ANKHD1: variants seen among roughly 807,000 people sequenced by gnomAD.
ANKHD1 encodes the protein ankyrin repeat and KH domain-containing protein 1.
In ANKHD1, 31 loss-of-function variants were observed where a neutral mutation model predicts 230.5. That is an observed-to-expected ratio of 0.13 (90% CI 0.10 to 0.18). The LOEUF (loss-of-function observed/expected upper bound fraction) is 0.18, where lower values mean the gene tolerates loss of function less well. ANKHD1 is among the 10% of genes least tolerant of loss of function. The probability of loss-of-function intolerance (pLI) is 1.00; values close to 1 mark genes in which losing one functional copy is unlikely to be tolerated. For missense variants in ANKHD1, 2,256 were observed against 3,071.3 expected, an observed-to-expected ratio of 0.73 and a Z score of 6.27; for synonymous variants, 1,074 against 1,117.6, an observed-to-expected ratio of 0.96 and a Z score of 0.78.
In ANKHD1 at chr5:140,510,079, T is replaced by A; in HGVS notation, c.4002T>A (p.Asn1334Lys). Residue 1334 changes from asparagine to lysine, a missense_variant, in exon 22 of 34, where the codon AAT (asparagine) becomes AAA (lysine). By Grantham distance (94) the Asn-to-Lys change is moderately conservative. Transcript: ENST00000360839. Reference protein sequence around the residue: ...KGNTPLWLASNGGHFDVVQLL... With the variant: ...KGNTPLWLASKGGHFDVVQLL... ...ATACGCCACTTTGGCTGGCATCCAA[T>A]GGAGGTCATTTTGATGTTGTGCAGT... is the stretch of plus-strand genomic sequence containing the variant. 1 of 1,614,184 alleles carries A rather than the reference T, an allele frequency of 6.2e-7. No individual in the cohort carries two copies. Among genetic ancestry groups the A allele is most frequent in the Non-Finnish European group, 8.5e-7 (1 of 1,180,010 alleles).
chr5:140,441,040 G>A lies in ANKHD1; in HGVS notation c.811G>A (p.Gly271Arg), dbSNP rs762300623. 107 of 1,611,744 alleles carry A rather than the reference G, an allele frequency of 6.6e-5. No homozygotes were observed. The highest frequency in any genetic ancestry group is 3.3e-4 in the Middle Eastern group (2 of 6,054). Residue 271 changes from glycine (G) to arginine (R), a missense_variant, in exon 5 of 34, where the codon GGA (glycine) becomes AGA (arginine). Around this residue, in one of 13 missense-constraint regions of ANKHD1, gnomAD observed 206 missense variants for 304.5 expected, o/e 0.68. Coordinates refer to ENST00000360839, the MANE Select transcript of ANKHD1 (RefSeq NM_017747.3). The part of the protein sequence containing the change: ...HANVEDRGNK[G>R]DITPLMAASS... The stretch of plus-strand genomic sequence containing the variant: ...TAATGTTGAAGATCGAGGGAATAAA[G>A]GAGACATAACTCCCCTGATGGCAGC...
intron 4 of ANKHD1, among the ~76,000 whole-genome samples, chr5:140,440,483 C>T (rs1458338554): frequency 1.3e-5 from 2 of 152,160 alleles, no homozygotes; most frequent in Admixed American, 6.5e-5. Context: ...CTGCCACTTA[C>T]TCAAAGCTAA....
chr5:140,485,747 A>G lies in ANKHD1; in HGVS notation c.2142+15A>G. ...ATCAGTCTCAGGTAAAGTAAAATGG[A>G]GCTTGTTTGTTAATATAAATATTCT... On this transcript the variant is annotated intron_variant, in intron 13 of 33. Transcript: ENST00000360839. The surrounding 1 kb of genome is among the most constrained non-coding windows in gnomAD (Gnocchi z 4.8). The G allele has an allele frequency of 6.2e-7, 1 of 1,609,468 alleles. No individual in the cohort carries two copies. The highest frequency in any genetic ancestry group is 1.1e-5 in the South Asian group (1 of 89,560).
rs546563218 is a variant in ANKHD1 at position 140,401,899 on chromosome 5, C to G, written c.-69C>G. On this transcript the variant is annotated 5_prime_UTR_variant, in exon 1 of 34. Coordinates refer to ENST00000360839, the MANE Select transcript of ANKHD1 (RefSeq NM_017747.3). ...CGCTTCTTCCTCTTGCTGCTCTTCT[C>G]GTTCCCGAGATCAGCGGCGGCGGTG... is the stretch of plus-strand genomic sequence containing the variant. 1.8e-4 allele frequency: 268 copies of G among 1,500,412 alleles called. No homozygotes were observed. In the Middle Eastern group the frequency reaches 2.6e-3, roughly 14 times the overall value. 92.9% of individuals were successfully genotyped at this position (1,500,412 alleles called of 1,614,324 possible).
At chr5:140,482,204 A>G (rs1751310483) in intron 10 of ANKHD1, among the ~76,000 whole-genome samples, 1 of 152,166 alleles carries the variant, frequency 6.6e-6, no homozygotes, top group African/African-American at 2.4e-5. Context: ...CTTCTGCTAT[A>G]AGATCAAGAT....
At chr5:140,489,417 G>T (rs1416210287) in intron 14 of ANKHD1, among the ~76,000 whole-genome samples, 1 of 151,978 alleles carries the variant, frequency 6.6e-6, no homozygotes, top group Non-Finnish European at 1.5e-5. Flanking sequence ...TTGCACCCAG[G>T]AGCTCCAGGC....
At chr5:140,409,993 G>A (rs1233438471) in intron 1 of ANKHD1, among the ~76,000 whole-genome samples, 2 of 152,106 alleles carry the variant, frequency 1.3e-5, no homozygotes, top group Middle Eastern at 3.2e-3. Context: ...TAGTATGGGT[G>A]GAGGAAAACT....
intron 10 of ANKHD1, among the ~76,000 whole-genome samples, chr5:140,471,848 C>G (rs935530885): frequency 6.6e-6 from 1 of 152,134 alleles, no homozygotes. Flanking sequence ...ATTTATCTTA[C>G]AGTATTTTCC....
chr5:140,499,529 GTAT>G (rs1292834727), intron 15 of ANKHD1, among the ~76,000 whole-genome samples: 3 of 152,032 alleles, frequency 2.0e-5, no homozygotes, highest in Admixed American at 1.3e-4. Context: ...AAATATAGGA[GTAT>G]TATTTCCTTA....
Position 140,537,600 on chromosome 5 carries a change from C to G in ANKHD1, c.7228+11C>G. On this transcript the variant is annotated intron_variant, in intron 31 of 33. Coordinates refer to ENST00000360839, the MANE Select transcript of ANKHD1 (RefSeq NM_017747.3). ...TCAATGCTGTGTCAGGTACAATTGC[C>G]TTGCTCTCTCTCTGGAGGGATATCT... 6.5e-7 allele frequency: 1 copy of G among 1,545,716 alleles called. No individual in the cohort carries two copies. The highest frequency in any genetic ancestry group is 8.7e-7 in the Non-Finnish European group (1 of 1,146,380).
chr5:140,488,249 T>C (rs185894657), intron 14 of ANKHD1, among the ~76,000 whole-genome samples: 123 of 152,270 alleles, frequency 8.1e-4, no homozygotes, highest in Non-Finnish European at 8.8e-5. Context: ...CTAAACCTTA[T>C]AGAGGACTGT....
In ANKHD1 at chr5:140,512,920, T is replaced by A; in HGVS notation, c.4197T>A (p.Asp1399Glu). The part of the protein sequence containing the change: ...ECMRYIATIT[D>E]KELLKKCHQC... ...TGAGATACATAGCAACAATTACAGA[T>A]AAGGTAAGTTTAATATGCTACTGAA... Residue 1399 changes from aspartate (D) to glutamate (E), a missense_variant, in exon 23 of 34, where the codon GAT becomes GAA. By Grantham distance (45) the Asp-to-Glu change is conservative (BLOSUM62 2). This residue lies in a region of ANKHD1 where 195 missense variants were observed against 340.3 expected (regional missense o/e 0.57). Coordinates refer to ENST00000360839, the MANE Select transcript of ANKHD1 (RefSeq NM_017747.3). 6.3e-7 allele frequency: 1 copy of A among 1,591,606 alleles called. No individual in the cohort carries two copies. Among genetic ancestry groups the A allele is most frequent in the Non-Finnish European group, 8.5e-7 (1 of 1,172,884 alleles).
At chr5:140,454,303 A>G (rs1263134225) in intron 7 of ANKHD1, among the ~76,000 whole-genome samples, 2 of 152,090 alleles carry the variant, frequency 1.3e-5, no homozygotes, top group African/African-American at 2.4e-5. Context: ...ACAGATCAAC[A>G]AGACAGAAAG....
Position 140,485,253 on chromosome 5 carries a change from T to G in ANKHD1, c.1998+5T>G. 1 of 1,607,750 alleles carries G rather than the reference T, an allele frequency of 6.2e-7. No homozygotes were observed. The highest frequency in any genetic ancestry group is 1.7e-5 in the Admixed American group (1 of 59,652). On this transcript the variant is annotated splice_donor_5th_base_variant and intron_variant, in intron 12 of 33. Transcript: ENST00000360839. This position sits in a 1 kb window ranked among gnomAD's most constrained non-coding sequence, Gnocchi z 4.8. Reference sequence around the variant, plus strand: ...GACCCTACTCATCGACTCAAGGTAGTCTACTTAAAAATAAGTAAACAGGCT... The same window carrying G: ...GACCCTACTCATCGACTCAAGGTAGGCTACTTAAAAATAAGTAAACAGGCT...
At chr5:140,513,306 TAA>T in intron 23 of ANKHD1, 55 bp from the exon 24 acceptor site, 1 of 1,518,584 alleles carries the variant, frequency 6.6e-7, no homozygotes, top group African/African-American at 1.4e-5. Flanking sequence ...CTCATCAGCT[TAA>T]GTTTTATTTG....
At chr5:140,451,482 A>G (rs1399759985) in intron 7 of ANKHD1, among the ~76,000 whole-genome samples, 1 of 152,176 alleles carries the variant, frequency 6.6e-6, no homozygotes, top group Non-Finnish European at 1.5e-5. Context: ...CTTGATGGGT[A>G]TTGAAATTTA....
At chr5:140,469,339 CAAAAA>C (rs1034952876) in intron 10 of ANKHD1, among the ~76,000 whole-genome samples, 1 of 87,606 alleles carries the variant, frequency 1.1e-5, no homozygotes, top group African/African-American at 4.2e-5. Context: ...CTGTCTCTAC[CAAAAA>C]AAAAAAAAAA....
intron 33 of ANKHD1, 34 bp downstream of exon 33, chr5:140,539,117 ATT>A: frequency 6.4e-7 from 1 of 1,567,624 alleles, no homozygotes; most frequent in Non-Finnish European, 8.6e-7. Flanking sequence ...TGTTTTTTAG[ATT>A]TGTCACATCA....
At chr5:140,521,470 A>G (rs560405020) in intron 24 of ANKHD1, among the ~76,000 whole-genome samples, 31 of 152,176 alleles carry the variant, frequency 2.0e-4, no homozygotes, top group African/African-American at 7.2e-4. Context: ...CCCTGTCTCT[A>G]CTTAAAAAAA....
Sources: gnomAD v4.1 joint callset for allele counts (sites outside exome capture counted in the v4.1 genomes callset) on GRCh38, gnomAD v4.1.1 for gene constraint, gnomAD v4.1.1 regional missense constraint, Gnocchi (gnomAD v3.1) non-coding constraint, MANE v1.5 for transcripts, NCBI Gene and HGNC (gene_info 2026-07-23, HGNC 2026-07-21) for gene names.